TNKS: variants seen among roughly 807,000 people sequenced by gnomAD.
The protein encoded by TNKS is poly [ADP-ribose] polymerase tankyrase-1.
TNKS carries 72 observed loss-of-function variants against 135.8 expected under a neutral mutation model. The observed-to-expected ratio is 0.53, with a 90% CI of 0.44 to 0.64. TNKS has a LOEUF of 0.64. TNKS is among the 30% of genes least tolerant of loss of function. The pLI is 0.00. For synonymous variants in TNKS, 849 were observed against 649.3 expected (o/e 1.31, Z -4.68); for missense variants, 1,769 against 1,674.0 (o/e 1.06, Z -0.99).
chr8:9,755,728 G>A (rs1020459912), intron 20 of TNKS, among the ~76,000 whole-genome samples: 13 of 152,304 alleles, frequency 8.5e-5, no homozygotes, highest in Admixed American at 2.6e-4. Context: ...CAGGGGAGCC[G>A]TTGTTTTCTG....
rs1585469406 is a variant in TNKS at position 9,780,813 on chromosome 8, C to G, written c.*4077C>G. 2.0e-5 allele frequency: 3 copies of G among 152,224 alleles called. No individual in the cohort carries two copies. Among genetic ancestry groups the G allele is most frequent in the South Asian group, 2.1e-4 (1 of 4,816 alleles). 9.4% of individuals were successfully genotyped at this position (152,224 alleles called of 1,614,324 possible). ...TGGTATATTTCATAAGTAATATTCC[C>G]TTACATGCAATGGAGCTGATTAAAA... On this transcript the variant is annotated 3_prime_UTR_variant, in exon 27 of 27. Coordinates refer to ENST00000310430, the MANE Select transcript of TNKS (RefSeq NM_003747.3).
intron 5 of TNKS, among the ~76,000 whole-genome samples, chr8:9,702,446 G>A (rs904723878): frequency 2.6e-5 from 4 of 152,076 alleles, no homozygotes; most frequent in African/African-American, 9.7e-5. Flanking sequence ...ATGTACAAAG[G>A]AACAAAGATA....
At chr8:9,702,462 A>G (rs1231148789) in intron 5 of TNKS, among the ~76,000 whole-genome samples, 2 of 152,234 alleles carry the variant, frequency 1.3e-5, no homozygotes, top group African/African-American at 4.8e-5. Flanking sequence ...AGATAAGGGT[A>G]ACAGATTTCT....
At chr8:9,568,112 G>C (rs1194497414) in intron 1 of TNKS, among the ~76,000 whole-genome samples, 1 of 152,132 alleles carries the variant, frequency 6.6e-6, no homozygotes, top group African/African-American at 2.4e-5. Flanking sequence ...CATTTTTTGA[G>C]AGTGACCTGT....
intron 5 of TNKS, among the ~76,000 whole-genome samples, chr8:9,699,619 G>A (rs1803699394): frequency 6.6e-6 from 1 of 152,126 alleles, no homozygotes; most frequent in African/African-American, 2.4e-5. Context: ...GTCTCACCCA[G>A]CTTGTTCTGC....
At chr8:9,584,090 G>C (rs1798275651) in intron 2 of TNKS, among the ~76,000 whole-genome samples, 1 of 150,746 alleles carries the variant, frequency 6.6e-6, no homozygotes, top group South Asian at 2.1e-4. Context: ...CGTGAACCCG[G>C]GATGGGGAGC....
intron 11 of TNKS, among the ~76,000 whole-genome samples, chr8:9,715,397 CA>C (rs1804554523): frequency 2.0e-5 from 3 of 151,868 alleles, no homozygotes. Context: ...TCTGAAGGGA[CA>C]AGGCAAAGGA....
chr8:9,666,933 T>C (rs1225653829), intron 3 of TNKS, among the ~76,000 whole-genome samples: 1 of 152,128 alleles, frequency 6.6e-6, no homozygotes, highest in Non-Finnish European at 1.5e-5. Context: ...ATATATTTCA[T>C]AAAGAAATTC....
intron 2 of TNKS, among the ~76,000 whole-genome samples, chr8:9,586,064 A>C (rs1005332932): frequency 6.6e-6 from 1 of 152,170 alleles, no homozygotes; most frequent in Non-Finnish European, 1.5e-5. Flanking sequence ...TGTATATTTT[A>C]TATATAATAA....
chr8:9,711,860 C>T (rs1476051947), intron 11 of TNKS, among the ~76,000 whole-genome samples: 1 of 152,112 alleles, frequency 6.6e-6, no homozygotes, highest in East Asian at 1.9e-4. Context: ...ATCACCCAGC[C>T]GTCATATCTA....
At chr8:9,743,793 G>T (rs1220007765) in intron 17 of TNKS, among the ~76,000 whole-genome samples, 1 of 152,130 alleles carries the variant, frequency 6.6e-6, no homozygotes, top group Non-Finnish European at 1.5e-5. Context: ...GCTTCCCACA[G>T]TTCCTGTACT....
At chr8:9,699,311 C>G (rs1341098466) in intron 5 of TNKS, among the ~76,000 whole-genome samples, 1 of 152,172 alleles carries the variant, frequency 6.6e-6, no homozygotes, top group Non-Finnish European at 1.5e-5. Flanking sequence ...TATGTGGTAA[C>G]CATTCACTAG....
At chr8:9,725,422 C>T (rs1805115825) in intron 12 of TNKS, among the ~76,000 whole-genome samples, 1 of 151,970 alleles carries the variant, frequency 6.6e-6, no homozygotes, top group Non-Finnish European at 1.5e-5. Context: ...AGCATTTTAC[C>T]TGCTATTATG....
intron 25 of TNKS, among the ~76,000 whole-genome samples, chr8:9,768,257 C>A (rs545384822): frequency 6.6e-6 from 1 of 152,126 alleles, no homozygotes; most frequent in Non-Finnish European, 1.5e-5. Flanking sequence ...CCAAAAGGAA[C>A]TGAGGTGGAG....
At chr8:9,620,895 CT>C (rs747957552) in intron 3 of TNKS, among the ~76,000 whole-genome samples, 71 of 152,262 alleles carry the variant, frequency 4.7e-4, no homozygotes, top group Middle Eastern at 6.8e-3. Context: ...AGGGTTTGGA[CT>C]TTTGTCTGTC....
At chr8:9,672,698 ACACACACACAC>A (rs1802344412) in intron 3 of TNKS, among the ~76,000 whole-genome samples, 13 of 125,430 alleles carry the variant, frequency 1.0e-4, no homozygotes, top group Non-Finnish European at 1.9e-4. Flanking sequence ...ACACACACAC[ACACACACACAC>A]ACAAAAAAAA....
At chr8:9,641,789 G>A (rs1366920662) in intron 3 of TNKS, among the ~76,000 whole-genome samples, 6 of 145,476 alleles carry the variant, frequency 4.1e-5, no homozygotes, top group Non-Finnish European at 9.0e-5. Context: ...AGAATTTCTG[G>A]AATTACTGTT....
At chr8:9,630,777 G>A (rs960249785) in intron 3 of TNKS, among the ~76,000 whole-genome samples, 2 of 152,054 alleles carry the variant, frequency 1.3e-5, no homozygotes, top group African/African-American at 4.8e-5. Flanking sequence ...CAGAATCATC[G>A]TAAATGAATG....
chr8:9,577,258 T>A (rs1797984946), intron 1 of TNKS, among the ~76,000 whole-genome samples: 1 of 152,246 alleles, frequency 6.6e-6, no homozygotes, highest in African/African-American at 2.4e-5. Context: ...ACTACTACTT[T>A]GAGGCATTTA....
Sources: allele counts gnomAD v4.1 joint callset (sites outside exome capture counted in the v4.1 genomes callset), GRCh38; gene constraint gnomAD v4.1.1; transcripts MANE v1.5; gene names NCBI Gene and HGNC (gene_info 2026-07-23, HGNC 2026-07-21).